VTI1A: variants seen among roughly 807,000 people sequenced by gnomAD.
The protein encoded by VTI1A is vesicle transport through interaction with t-SNAREs 1A.
A neutral mutation model predicts 34.9 loss-of-function variants in VTI1A; 22 were observed. The observed-to-expected ratio is 0.63, with a 90% confidence interval of 0.45 to 0.90. The LOEUF (loss-of-function observed/expected upper bound fraction) is 0.90. VTI1A is among the 40% of genes least tolerant of loss of function. The pLI is 0.00. For missense variants in VTI1A, 268 were observed against 275.6 expected, an observed-to-expected ratio of 0.97 and a Z score of 0.20; for synonymous variants, 87 against 97.3, an observed-to-expected ratio of 0.89 and a Z score of 0.62.
intron 7 of VTI1A, among the ~76,000 whole-genome samples, chr10:112,674,209 G>T (rs771678043): frequency 1.3e-5 from 2 of 151,928 alleles, no homozygotes; most frequent in Non-Finnish European, 2.9e-5. Context: ...ATAAACTCGG[G>T]CCCTGACCTG....
chr10:112,452,809 C>T (rs529815759), intron 1 of VTI1A, among the ~76,000 whole-genome samples: 42 of 151,276 alleles, frequency 2.8e-4, no homozygotes, highest in Admixed American at 1.2e-3. Flanking sequence ...AAAGATAGTA[C>T]GGAGAATCCC....
chr10:112,548,728 C>T (rs1851231125), intron 5 of VTI1A: 29 of 1,387,110 alleles, frequency 2.1e-5, no homozygotes, highest in Non-Finnish European at 2.8e-5. Flanking sequence ...CTGTCTATCT[C>T]ATATCACGAA....
At chr10:112,676,676 A>G (rs1030643849) in intron 7 of VTI1A, among the ~76,000 whole-genome samples, 8 of 152,196 alleles carry the variant, frequency 5.3e-5, no homozygotes, top group African/African-American at 1.7e-4. Context: ...CACTAATTCT[A>G]GACATTTGCT....
chr10:112,546,049 CGTGTATACGCGTATGTGTGTGT>C lies in VTI1A; in HGVS notation c.427+7720_427+7741del, dbSNP rs1851095707. On this transcript the variant is annotated intron_variant, in intron 5 of 7. Transcript: ENST00000393077. ...GTATACGCGTATGTGTGTGTATATA[CGTGTATACGCGTATGTGTGTGT>C]ATATACGTGTATACGCGTATGTGTG... Among the ~76,000 whole-genome samples, 5 of 145,150 alleles carry C rather than the reference CGTGTATACGCGTATGTGTGTGT, an allele frequency of 3.4e-5. 1 individual carries two copies. The highest frequency in any genetic ancestry group is 5.4e-5 in the African/African-American group (2 of 37,150).
At chr10:112,820,802 G>A (rs146036114), downstream of VTI1A, among the ~76,000 whole-genome samples, 2,470 of 152,280 alleles carry the variant, frequency 0.016, 45 homozygotes, top group Non-Finnish European at 0.021. Context: ...AGGCGAGCAG[G>A]GCAAAAGCAA....
At chr10:112,710,079 C>A (rs1475695676) in intron 7 of VTI1A, among the ~76,000 whole-genome samples, 1 of 150,098 alleles carries the variant, frequency 6.7e-6, no homozygotes, top group Non-Finnish European at 1.5e-5. Flanking sequence ...ACAAGGAATA[C>A]AGCTCTCATA....
chr10:112,598,061 T>C (rs1844735200), intron 5 of VTI1A, among the ~76,000 whole-genome samples: 2 of 152,090 alleles, frequency 1.3e-5, no homozygotes, highest in African/African-American at 4.8e-5. Flanking sequence ...CCTGGTGTCA[T>C]AGAAAGTACT....
chr10:112,575,938 T>G (rs528176673), intron 5 of VTI1A, among the ~76,000 whole-genome samples: 29 of 152,098 alleles, frequency 1.9e-4, no homozygotes, highest in Non-Finnish European at 2.8e-4. Context: ...AGTTTAAACC[T>G]CTCGTGAATT....
At chr10:112,632,010 A>T (rs1199533800) in intron 5 of VTI1A, among the ~76,000 whole-genome samples, 1 of 152,200 alleles carries the variant, frequency 6.6e-6, no homozygotes, top group African/African-American at 2.4e-5. Context: ...TAACAATATA[A>T]TTGTAATTGT....
intron 7 of VTI1A, among the ~76,000 whole-genome samples, chr10:112,773,369 A>G (rs138027308): frequency 6.6e-6 from 1 of 152,218 alleles, no homozygotes; most frequent in East Asian, 1.9e-4. Flanking sequence ...CCTCTTCCCA[A>G]CTGTACCATC....
chr10:112,621,845 G>T (rs1845749195), intron 5 of VTI1A, among the ~76,000 whole-genome samples: 1 of 152,000 alleles, frequency 6.6e-6, no homozygotes, highest in South Asian at 2.1e-4. Flanking sequence ...TGCTTTTTTT[G>T]CACACTCGTC....
chr10:112,538,288 T>C lies in VTI1A; in HGVS notation c.385T>C (p.Ser129Pro). The change falls in exon 5 of 8, where the codon TCT becomes CCT. Residue 129 changes from serine (S) to proline (P), a missense_variant. Ser to Pro is a moderately conservative substitution (Grantham distance 74, BLOSUM62 -1). Transcript: ENST00000393077. ...LDNTERLERS[S>P]RRLEAGYQIA... ...TAACACAGAGAGGCTGGAAAGGTCATCTCGGAGACTAGAGGCTGGATACCA... is the reference window on the plus strand; with the variant it reads ...TAACACAGAGAGGCTGGAAAGGTCACCTCGGAGACTAGAGGCTGGATACCA... 1.2e-6 allele frequency: 2 copies of C among 1,613,696 alleles called. No homozygotes were observed. Among genetic ancestry groups the C allele is most frequent in the Non-Finnish European group, 1.7e-6 (2 of 1,179,826 alleles).
At chr10:112,744,936 A>G (rs1307472053) in intron 7 of VTI1A, among the ~76,000 whole-genome samples, 1 of 152,164 alleles carries the variant, frequency 6.6e-6, no homozygotes, top group African/African-American at 2.4e-5. Context: ...AGTTTGGGGT[A>G]CTCCCTGAAA....
chr10:112,457,730 A>G (rs1001193828), intron 1 of VTI1A, among the ~76,000 whole-genome samples: 1 of 152,214 alleles, frequency 6.6e-6, no homozygotes, highest in Non-Finnish European at 1.5e-5. Context: ...TAGTCATAAG[A>G]AAGGCAAGGA....
At chr10:112,656,966 A>G (rs1317351202) in intron 5 of VTI1A, among the ~76,000 whole-genome samples, 3 of 152,122 alleles carry the variant, frequency 2.0e-5, no homozygotes, top group Non-Finnish European at 4.4e-5. Context: ...GTTGTTTAAA[A>G]GTGGGTAGCA....
chr10:112,690,236 C>G (rs950300792), intron 7 of VTI1A, among the ~76,000 whole-genome samples: 1 of 152,086 alleles, frequency 6.6e-6, no homozygotes, highest in Non-Finnish European at 1.5e-5. Context: ...GTGTATATAT[C>G]TTTTTGCAGA....
chr10:112,534,210 T>G (rs1332907609), intron 4 of VTI1A, among the ~76,000 whole-genome samples: 1 of 152,164 alleles, frequency 6.6e-6, no homozygotes, highest in Non-Finnish European at 1.5e-5. Flanking sequence ...TTTTTGTGTG[T>G]GGCTCAGCAA....
intron 3 of VTI1A, among the ~76,000 whole-genome samples, chr10:112,494,377 T>C (rs1017096513): frequency 6.6e-6 from 1 of 152,140 alleles, no homozygotes; most frequent in African/African-American, 2.4e-5. Flanking sequence ...TTTTCTGTTT[T>C]GTTGATTTTG....
In VTI1A at chr10:112,747,423, C is replaced by T. The variant is rs188596261; in HGVS notation, c.561-67867C>T. On this transcript the variant is annotated intron_variant, in intron 7 of 7. Coordinates refer to ENST00000393077, the MANE Select transcript of VTI1A (RefSeq NM_145206.4). ...TATATCCTATAGTGCCTAGGCTACA[C>T]TCATGTACAGCATTTTACTGTCCTG... Among the ~76,000 whole-genome samples, 20 of 152,318 alleles carry T rather than the reference C, an allele frequency of 1.3e-4. No homozygotes were observed. The East Asian group carries it at 3.9e-3, about 29-fold the overall frequency.
Sources: allele counts gnomAD v4.1 joint callset (sites outside exome capture counted in the v4.1 genomes callset), GRCh38; gene constraint gnomAD v4.1.1; transcripts MANE v1.5; gene names NCBI Gene and HGNC (gene_info 2026-07-23, HGNC 2026-07-21).